The following NBAS variants were observed in gnomAD, a reference collection of about 807,000 sequenced individuals.
NBAS encodes NAG/BC035112 fusion.
A neutral mutation model predicts 302.5 loss-of-function variants in NBAS; 219 were observed. The observed-to-expected ratio is 0.72, with a 90% CI of 0.65 to 0.81. The LOEUF (loss-of-function observed/expected upper bound fraction) is 0.81, where lower values mean the gene tolerates loss of function less well. NBAS is among the 30% of genes least tolerant of loss of function. The pLI is 0.00. For synonymous variants in NBAS, 1,118 were observed against 1,021.6 expected (o/e 1.09, Z -1.80); for missense variants, 2,932 against 2,841.6 (o/e 1.03, Z -0.72).
the NBAS span, among the ~76,000 whole-genome samples, chr2:15,118,440 C>T: frequency 3.9e-5 from 6 of 152,274 alleles, no homozygotes; most frequent in South Asian, 6.2e-4. Context: ...TGCCCATATT[C>T]GCGCCCTTGT....
intron 32 of NBAS, among the ~76,000 whole-genome samples, chr2:15,358,396 ATG>A (rs147366181): frequency 3.3e-5 from 5 of 151,624 alleles, no homozygotes; most frequent in East Asian, 1.9e-4. Context: ...GTGTGTGTGT[ATG>A]TGTGTGTGTG....
At chr2:14,816,502 T>C in the NBAS span, among the ~76,000 whole-genome samples, 7 of 152,208 alleles carry the variant, frequency 4.6e-5, no homozygotes, top group African/African-American at 1.7e-4. Flanking sequence ...GGCTTAGAAG[T>C]TTTCTTGGGA....
chr2:15,156,205 C>A, the NBAS span, among the ~76,000 whole-genome samples: 1 of 152,144 alleles, frequency 6.6e-6, no homozygotes, highest in Non-Finnish European at 1.5e-5. Context: ...ATTGTTTGTG[C>A]TGCAGCCAGG....
chr2:14,829,911 CTAGGCCTTATCA>C, the NBAS span, among the ~76,000 whole-genome samples: 1 of 152,162 alleles, frequency 6.6e-6, no homozygotes, highest in Non-Finnish European at 1.5e-5. Flanking sequence ...ATTGAGAGTC[CTAGGCCTTATCA>C]AAGACATATT....
the NBAS span, among the ~76,000 whole-genome samples, chr2:14,816,610 C>T: frequency 6.6e-6 from 1 of 152,172 alleles, no homozygotes; most frequent in Admixed American, 6.5e-5. Context: ...TGTTTTAATT[C>T]ATCTACAGGG....
chr2:15,551,572 C>A, intron 5 of NBAS, 36 bp from the exon 6 acceptor site: 1 of 1,539,300 alleles, frequency 6.5e-7, no homozygotes, highest in African/African-American at 1.4e-5. Context: ...AAAGTTTTAT[C>A]GTAACACTGT....
chr2:14,931,826 G>T, the NBAS span, among the ~76,000 whole-genome samples: 1 of 151,928 alleles, frequency 6.6e-6, no homozygotes, highest in Non-Finnish European at 1.5e-5. Context: ...CTTCCATCAA[G>T]GTATTGTCAC....
chr2:15,154,320 C>T, the NBAS span, among the ~76,000 whole-genome samples: 1 of 152,316 alleles, frequency 6.6e-6, no homozygotes, highest in Non-Finnish European at 1.5e-5. Flanking sequence ...AGCAAGGTTG[C>T]TGAGGCTCTT....
Position 15,438,576 on chromosome 2 carries a change from G to T in NBAS, c.2340-10782C>A, listed in dbSNP as rs1027328231. ...CTGCAGGATAACGACACTAAGGGAA[G>T]GGAAAAAAACAAAGTGAGCCCAGCA... On this transcript the variant is annotated intron_variant, in intron 21 of 51. Transcript: ENST00000281513. 2.0e-5 allele frequency among the ~76,000 whole-genome samples: 3 copies of T among 152,136 alleles called. 1 individual carries two copies. Among genetic ancestry groups the T allele is most frequent in the Admixed American group, 1.3e-4 (2 of 15,280 alleles).
At chr2:15,135,025 A>C in the NBAS span, among the ~76,000 whole-genome samples, 3 of 152,236 alleles carry the variant, frequency 2.0e-5, no homozygotes, top group Non-Finnish European at 4.4e-5. Flanking sequence ...ACCTGAAAAA[A>C]GAAATTTCTT....
intron 49 of NBAS, among the ~76,000 whole-genome samples, chr2:15,188,188 T>G (rs1005655927): frequency 6.6e-6 from 1 of 152,214 alleles, no homozygotes; most frequent in East Asian, 1.9e-4. Context: ...GAATCTTCCT[T>G]AAGTACAAAC....
chr2:14,948,270 A>G, the NBAS span, among the ~76,000 whole-genome samples: 2 of 152,002 alleles, frequency 1.3e-5, no homozygotes, highest in Admixed American at 1.3e-4. Context: ...GTGGAGTTTG[A>G]GTAGAATTTA....
chr2:15,449,796 A>G (rs1678923501), intron 21 of NBAS, among the ~76,000 whole-genome samples: 1 of 152,188 alleles, frequency 6.6e-6, no homozygotes, highest in African/African-American at 2.4e-5. Context: ...CCACTCTGTT[A>G]AGTACTCTGT....
chr2:15,292,515 T>A (rs544567501), intron 41 of NBAS, 22 bp downstream of exon 41: 2 of 1,609,268 alleles, frequency 1.2e-6, no homozygotes, highest in Non-Finnish European at 8.5e-7. Flanking sequence ...CATCCCCTTA[T>A]GAAACAAAGG....
chr2:15,220,141 A>C (rs1295054166), intron 47 of NBAS, among the ~76,000 whole-genome samples: 2 of 116,636 alleles, frequency 1.7e-5, no homozygotes, highest in African/African-American at 3.4e-5. Flanking sequence ...TGACCCCCCC[A>C]CCTCCCTCCC....
chr2:15,137,266 T>A, the NBAS span, among the ~76,000 whole-genome samples: 2 of 152,210 alleles, frequency 1.3e-5, no homozygotes, highest in African/African-American at 4.8e-5. Context: ...ATCTTACATA[T>A]GTCAGTGTTA....
chr2:15,171,329 C>T (rs180870481), intron 51 of NBAS, among the ~76,000 whole-genome samples: 40 of 152,264 alleles, frequency 2.6e-4, no homozygotes, highest in African/African-American at 9.6e-4. Flanking sequence ...AATTATTTCA[C>T]CCTCCTTTCC....
intron 21 of NBAS, among the ~76,000 whole-genome samples, chr2:15,453,081 T>C (rs116456111): frequency 6.6e-6 from 1 of 152,078 alleles, no homozygotes; most frequent in African/African-American, 2.4e-5. Context: ...GACTCATCAG[T>C]AGGGAGAAAA....
chr2:15,185,760 A>C (rs1294317206), intron 50 of NBAS, among the ~76,000 whole-genome samples: 1 of 152,176 alleles, frequency 6.6e-6, no homozygotes, highest in African/African-American at 2.4e-5. Flanking sequence ...CTTTAAATGG[A>C]TAAAATATTT....
Sources: gnomAD v4.1 joint callset for allele counts (sites outside exome capture counted in the v4.1 genomes callset) on GRCh38, gnomAD v4.1.1 for gene constraint, MANE v1.5 for transcripts, NCBI Gene and HGNC (gene_info 2026-07-23, HGNC 2026-07-21) for gene names.